PCBP3: variants seen among roughly 807,000 people sequenced by gnomAD.
PCBP3 encodes poly(rC)-binding protein 3.
A neutral mutation model predicts 52.7 loss-of-function variants in PCBP3; 25 were observed. That is an observed-to-expected ratio of 0.47 (90% CI 0.35 to 0.66). PCBP3 has a LOEUF of 0.66. Among genes scored for constraint, PCBP3 ranks in the 30% least tolerant of loss-of-function variants. PCBP3 has a pLI of 0.01. For synonymous variants in PCBP3, 162 were observed against 183.0 expected, an observed-to-expected ratio of 0.89 and a Z score of 0.93; for missense variants, 391 against 490.3, an observed-to-expected ratio of 0.80 and a Z score of 1.91.
chr21:45,825,394 G>A (rs565757528), intron 4 of PCBP3, among the ~76,000 whole-genome samples: 6 of 152,042 alleles, frequency 3.9e-5, no homozygotes, highest in Admixed American at 6.5e-5. Context: ...GAGTGTCCCC[G>A]CCGCCGTGGA....
At chr21:45,799,095 G>T (rs1442727953) in intron 4 of PCBP3, among the ~76,000 whole-genome samples, 1 of 152,252 alleles carries the variant, frequency 6.6e-6, no homozygotes, top group African/African-American at 2.4e-5. Context: ...TCCATAGAGA[G>T]AGTGAATGGA....
chr21:45,814,294 A>AGTGAGTG (rs1161796002), intron 4 of PCBP3, among the ~76,000 whole-genome samples: 1 of 143,900 alleles, frequency 6.9e-6, no homozygotes, highest in South Asian at 2.3e-4. Context: ...TGAGTGAGCT[A>AGTGAGTG]GTGAGTGGTG....
chr21:45,910,016 C>T (rs118155748), intron 10 of PCBP3, among the ~76,000 whole-genome samples: 4,331 of 39,798 alleles, frequency 0.11, 530 homozygotes, highest in East Asian at 0.49. Context: ...CAAATATGGA[C>T]CTGGCCCACC....
At chr21:45,671,230 T>C (rs928848044) in intron 2 of PCBP3, among the ~76,000 whole-genome samples, 1 of 152,222 alleles carries the variant, frequency 6.6e-6, no homozygotes, top group Non-Finnish European at 1.5e-5. Context: ...TCCTTCGCCT[T>C]GGCACACCCT....
chr21:45,669,801 G>GTATATATATA (rs1385598083), intron 2 of PCBP3, among the ~76,000 whole-genome samples: 3 of 69,048 alleles, frequency 4.3e-5, no homozygotes, highest in Non-Finnish European at 8.8e-5. Flanking sequence ...GTGTGTGTGT[G>GTATATATATA]TGTGTATATA....
At chr21:45,696,952 C>G (rs572778589) in intron 2 of PCBP3, among the ~76,000 whole-genome samples, 1 of 152,306 alleles carries the variant, frequency 6.6e-6, no homozygotes, top group East Asian at 1.9e-4. Context: ...CCACAATAGC[C>G]TTTAGAAAGG....
chr21:45,830,809 T>G lies in PCBP3; in HGVS notation c.-125-19152T>G, dbSNP rs2093428148. Reference sequence around the variant, plus strand: ...TACGAACATTTATAAGCCAGTATTATGATGCCGAAAATGTTTCATGATGAG... The same window carrying G: ...TACGAACATTTATAAGCCAGTATTAGGATGCCGAAAATGTTTCATGATGAG... On this transcript the variant is annotated intron_variant, in intron 4 of 17. Transcript: ENST00000681687. This position sits in a 1 kb window ranked among gnomAD's most constrained non-coding sequence, Gnocchi z 4.4. 6.6e-6 allele frequency: 1 copy of G among 152,248 alleles called. No homozygotes were observed. The highest frequency in any genetic ancestry group is 2.4e-5 in the African/African-American group (1 of 41,462). 9.4% of individuals were successfully genotyped at this position (152,248 alleles called of 1,614,324 possible). A position where few individuals can be genotyped will look rare whatever the true frequency, so the allele number is the denominator to read the frequency against.
chr21:45,912,251 C>T (rs1185673461), intron 11 of PCBP3, among the ~76,000 whole-genome samples: 2 of 152,212 alleles, frequency 1.3e-5, no homozygotes, highest in South Asian at 2.1e-4. Context: ...ACAGGGAGCT[C>T]GTAGCAGACA....
intron 13 of PCBP3, among the ~76,000 whole-genome samples, chr21:45,920,835 G>C (rs1291125942): frequency 2.6e-5 from 4 of 152,220 alleles, no homozygotes; most frequent in Non-Finnish European, 5.9e-5. Flanking sequence ...TTGATCTCCA[G>C]TTTCCAGCCC....
chr21:45,698,008 C>T (rs560019866), intron 2 of PCBP3, among the ~76,000 whole-genome samples: 39 of 152,324 alleles, frequency 2.6e-4, no homozygotes, highest in South Asian at 1.2e-3. Context: ...TCCCTACACA[C>T]TACTTCCCAT....
chr21:45,795,748 C>T (rs1037278522), intron 4 of PCBP3, among the ~76,000 whole-genome samples: 1 of 152,078 alleles, frequency 6.6e-6, no homozygotes, highest in African/African-American at 2.4e-5. Flanking sequence ...GAGGTTAATA[C>T]AGTAGAGCAT....
In PCBP3 at chr21:45,735,157, A is replaced by C. The variant is rs1257016224; in HGVS notation, c.-199-235A>C. ...AGGGACCCTGGGGTTCTGAGTCTTT[A>C]TCAGTGTCGTGTATGTTCCAGACTC... On this transcript the variant is annotated intron_variant, in intron 2 of 17. Coordinates refer to ENST00000681687, the MANE Select transcript of PCBP3 (RefSeq NM_001384156.1). The surrounding 1 kb of genome is among the most constrained non-coding windows in gnomAD (Gnocchi z 4.0). Among the ~76,000 whole-genome samples the C allele has an allele frequency of 6.6e-6, 1 of 152,188 alleles. No individual in the cohort carries two copies. The highest frequency in any genetic ancestry group is 2.4e-5 in the African/African-American group (1 of 41,436).
chr21:45,794,907 C>G (rs1480284405), intron 4 of PCBP3, among the ~76,000 whole-genome samples: 1 of 148,792 alleles, frequency 6.7e-6, no homozygotes, highest in Non-Finnish European at 1.5e-5. Context: ...CCAGCCCGGG[C>G]GACAGAGCCA....
intron 5 of PCBP3, among the ~76,000 whole-genome samples, chr21:45,874,793 C>T (rs561519832): frequency 3.3e-5 from 5 of 152,298 alleles, no homozygotes; most frequent in Admixed American, 1.3e-4. Flanking sequence ...AGCGCCCTCA[C>T]CCTGTGAAGG....
chr21:45,747,973 A>G (rs1222337898), intron 3 of PCBP3: 1 of 151,848 alleles, frequency 6.6e-6, no homozygotes, highest in Non-Finnish European at 1.5e-5. Flanking sequence ...AGGGATGATC[A>G]TTTTTCGTGA....
chr21:45,923,438 C>G (rs924035393), intron 13 of PCBP3, among the ~76,000 whole-genome samples: 3 of 152,234 alleles, frequency 2.0e-5, no homozygotes, highest in Non-Finnish European at 4.4e-5. Context: ...ACCCTCACTG[C>G]TGGCTGGAGT....
chr21:45,905,615 G>A (rs1170728034), intron 9 of PCBP3, among the ~76,000 whole-genome samples: 1 of 152,202 alleles, frequency 6.6e-6, no homozygotes, highest in Non-Finnish European at 1.5e-5. Context: ...AGATGGAGGT[G>A]CCATCAGGGC....
intron 10 of PCBP3, 139 bp downstream of exon 10, chr21:45,909,625 A>C: frequency 1.3e-6 from 1 of 771,332 alleles, no homozygotes. Context: ...CCCACAGCTC[A>C]AAGTGCGAGA....
rs147363947 is a variant in PCBP3, at chr21:45,658,329, A to T, written c.-278-10545A>T. On this transcript the variant is annotated intron_variant, in intron 1 of 17. Coordinates refer to ENST00000681687, the MANE Select transcript of PCBP3 (RefSeq NM_001384156.1). Reference sequence around the variant, plus strand: ...TTTTGTTGAGGATTTTTTGAGATGGAGTCTCACTTTGTCACCCAGGCTGGA... The same window carrying T: ...TTTTGTTGAGGATTTTTTGAGATGGTGTCTCACTTTGTCACCCAGGCTGGA... 6.3e-4 allele frequency among the ~76,000 whole-genome samples: 96 copies of T among 152,226 alleles called. No individual in the cohort carries two copies. The East Asian group carries it at 0.015, about 24-fold the overall frequency.
Sources: allele counts gnomAD v4.1 joint callset (sites outside exome capture counted in the v4.1 genomes callset), GRCh38; gene constraint gnomAD v4.1.1; non-coding constraint Gnocchi (gnomAD v3.1); transcripts MANE v1.5; gene names NCBI Gene and HGNC (gene_info 2026-07-23, HGNC 2026-07-21).